Variants in MROH9 observed in about 807,000 individuals in gnomAD.
MROH9 encodes the protein maestro heat-like repeat-containing protein family member 9.
In MROH9, 92 loss-of-function variants were observed where a neutral mutation model predicts 98.2. That is an observed-to-expected ratio of 0.94 (90% CI 0.79 to 1.11). MROH9 has a LOEUF of 1.11. MROH9 is among the 50% of genes most tolerant of loss of function. The pLI, the probability that MROH9 is intolerant of heterozygous loss-of-function variation, is 0.00. For missense variants in MROH9, 1,057 were observed against 1,014.8 expected (o/e 1.04, Z -0.57); for synonymous variants, 397 against 368.9 (o/e 1.08, Z -0.87).
Position 170,969,596 on chromosome 1 carries a change from G to GA in MROH9, c.481-2151dup, listed in dbSNP as rs202008300. 9.2e-3 allele frequency among the ~76,000 whole-genome samples: 1,402 copies of GA among 152,228 alleles called. 16 individuals are homozygous for GA. The highest frequency in any genetic ancestry group is 0.031 in the African/African-American group (1,297 of 41,540). The stretch of plus-strand genomic sequence containing the variant: ...AGGTGCATTGTTTATAGAAACAGGG[G>GA]AGACTTCCAGAAGAAGCAGCTGAAA... On this transcript the variant is annotated intron_variant, in intron 7 of 21. Coordinates refer to ENST00000367759, the MANE Select transcript of MROH9 (RefSeq NM_001163629.2).
chr1:171,012,590 C>T (rs1220293079), intron 15 of MROH9, among the ~76,000 whole-genome samples: 3 of 151,280 alleles, frequency 2.0e-5, no homozygotes, highest in Non-Finnish European at 4.4e-5. Flanking sequence ...GCAAGCTCCG[C>T]CTCCCGGGTT....
chr1:171,024,202 C>T (rs952164228), intron 17 of MROH9, among the ~76,000 whole-genome samples, 193 bp from the exon 18 acceptor site: 1 of 151,434 alleles, frequency 6.6e-6, no homozygotes, highest in Non-Finnish European at 1.5e-5. Flanking sequence ...TAAAAGATGC[C>T]CTAACTACTT....
chr1:170,984,731 A>C (rs1337059587), intron 9 of MROH9, among the ~76,000 whole-genome samples: 3 of 152,108 alleles, frequency 2.0e-5, no homozygotes, highest in Non-Finnish European at 2.9e-5. Context: ...GGCTTGCGGG[A>C]GGTACCCTGG....
At chr1:171,011,883 T>C (rs186709227) in intron 15 of MROH9, among the ~76,000 whole-genome samples, 1,736 of 123,926 alleles carry the variant, frequency 0.014, 14 homozygotes, top group Middle Eastern at 0.028. Context: ...AATTCTATTG[T>C]TTTTTTTGTT....
chr1:171,063,276 C>T (rs532533043), intron 21 of MROH9, among the ~76,000 whole-genome samples: 1 of 106,074 alleles, frequency 9.4e-6, no homozygotes, highest in African/African-American at 3.6e-5. Flanking sequence ...TTTTTTGAGA[C>T]GGAGTCTCCC....
intron 5 of MROH9, among the ~76,000 whole-genome samples, chr1:170,959,832 T>C (rs2294741): frequency 0.16 from 24,342 of 152,190 alleles, 2,472 homozygotes; most frequent in East Asian, 0.48. Context: ...TTTTGGTTAA[T>C]TGGTTTAGCA....
chr1:171,026,778 G>A, intron 20 of MROH9, among the ~76,000 whole-genome samples: 1 of 152,130 alleles, frequency 6.6e-6, no homozygotes, highest in East Asian at 1.9e-4. Context: ...TAGAAAATAT[G>A]TCGATAGAGC....
intron 1 of MROH9, among the ~76,000 whole-genome samples, chr1:170,939,045 G>A (rs760033049): frequency 6.6e-6 from 1 of 152,210 alleles, no homozygotes; most frequent in African/African-American, 2.4e-5. Context: ...TACAGAATGG[G>A]TCATCCTATC....
At chr1:171,026,228 C>CACAA (rs202106843) in intron 20 of MROH9, among the ~76,000 whole-genome samples, 1 of 151,786 alleles carries the variant, frequency 6.6e-6, no homozygotes, top group African/African-American at 2.4e-5. Context: ...CACACACACA[C>CACAA]CCTCACAAAG....
intron 15 of MROH9, among the ~76,000 whole-genome samples, chr1:171,003,439 T>G (rs938038491): frequency 2.6e-5 from 4 of 152,210 alleles, no homozygotes; most frequent in Non-Finnish European, 5.9e-5. Flanking sequence ...GGGTGTTCCC[T>G]TGATGTAGTA....
rs546166154 is a variant in MROH9, at chr1:170,980,800, G to A, written c.617-2622G>A. 2.8e-4 allele frequency among the ~76,000 whole-genome samples: 43 copies of A among 152,042 alleles called. No individual in the cohort carries two copies. In the South Asian group the frequency reaches 8.3e-3, roughly 29 times the overall value. On this transcript the variant is annotated intron_variant, in intron 8 of 21. Transcript: ENST00000367759. ...TAATTCAACTAAAGAGCTTCTGCAC[G>A]GCAAAAGAAACTATTATCAGAGTGA...
At chr1:170,996,688 A>G in intron 14 of MROH9, 44 bp downstream of exon 14, 1 of 1,585,838 alleles carries the variant, frequency 6.3e-7, no homozygotes, top group South Asian at 1.2e-5. Context: ...TCTCTATCCT[A>G]CCTTCTCCAA....
intron 17 of MROH9, among the ~76,000 whole-genome samples, chr1:171,017,797 C>G (rs187063137): frequency 2.0e-5 from 3 of 152,294 alleles, no homozygotes. Flanking sequence ...TGACGAGTGC[C>G]TCTTCAGGCT....
chr1:170,977,637 G>T (rs28817011), intron 8 of MROH9, among the ~76,000 whole-genome samples: 1 of 151,928 alleles, frequency 6.6e-6, no homozygotes, highest in Non-Finnish European at 1.5e-5. Context: ...TCAGTGCCCC[G>T]AAAGCATGGG....
rs77169451 is a variant in MROH9 at position 171,016,377 on chromosome 1, T to C, written c.1908+41T>C. On this transcript the variant is annotated intron_variant, in intron 17 of 21. Coordinates refer to ENST00000367759, the MANE Select transcript of MROH9 (RefSeq NM_001163629.2). ...AGATATGTGAGATCATTAGGTTTTG[T>C]GGTTCACCTGAAACTCAAGTTGAGG... 2,234 of 1,360,192 alleles carry C rather than the reference T, an allele frequency of 1.6e-3. 31 individuals are homozygous for C. In the African/African-American group the frequency reaches 0.031, roughly 19 times the overall value. The allele number at this position is 1,360,192 out of a possible 1,614,324, so 84.3% of individuals were successfully genotyped here. A position where few individuals can be genotyped will look rare whatever the true frequency, so the allele number is the denominator to read the frequency against.
intron 8 of MROH9, among the ~76,000 whole-genome samples, chr1:170,973,574 C>G (rs984753669): frequency 3.9e-5 from 6 of 151,934 alleles, no homozygotes; most frequent in Non-Finnish European, 8.8e-5. Flanking sequence ...GTCTGAAATC[C>G]AATTTAAAAA....
At chr1:171,009,267 T>C (rs1010335627) in intron 15 of MROH9, among the ~76,000 whole-genome samples, 2 of 151,984 alleles carry the variant, frequency 1.3e-5, no homozygotes, top group Admixed American at 6.6e-5. Context: ...AAATTTAAAC[T>C]GATGCAAATG....
In MROH9 at chr1:170,996,788, A is replaced by G. The variant is rs961981830; in HGVS notation, c.1475+144A>G. On this transcript the variant is annotated intron_variant, in intron 14 of 21. Coordinates refer to ENST00000367759, the MANE Select transcript of MROH9 (RefSeq NM_001163629.2). ...TGATCTGAGTTGCTATTTGATTTCT[A>G]CTTCTTCAATTATTTTGAAGCGTTT... 86 of 827,226 alleles carry G rather than the reference A, an allele frequency of 1.0e-4. 1 individual carries two copies. Among genetic ancestry groups the G allele is most frequent in the Non-Finnish European group, 2.9e-5 (16 of 548,986 alleles). The allele number at this position is 827,226 out of a possible 1,614,324, so 51.2% of individuals were successfully genotyped here.
At chr1:170,939,958 A>T (rs1436492665) in intron 1 of MROH9, among the ~76,000 whole-genome samples, 1 of 152,154 alleles carries the variant, frequency 6.6e-6, no homozygotes, top group African/African-American at 2.4e-5. Flanking sequence ...GCACCACTGG[A>T]TCTGCTGCAT....
Sources: gnomAD v4.1 joint callset for allele counts (sites outside exome capture counted in the v4.1 genomes callset) on GRCh38, gnomAD v4.1.1 for gene constraint, MANE v1.5 for transcripts, NCBI Gene and HGNC (gene_info 2026-07-23, HGNC 2026-07-21) for gene names.